The following CERKL variants were observed in gnomAD, a reference collection of about 807,000 sequenced individuals.
CERKL encodes ceramide kinase-like protein.
A neutral mutation model predicts 63.4 loss-of-function variants in CERKL; 61 were observed. That is an observed-to-expected ratio of 0.96 (90% CI 0.78 to 1.19). The LOEUF is 1.19. Ranked by LOEUF, CERKL falls within the 50% of genes most tolerant of loss-of-function variation. The pLI, the probability that CERKL is intolerant of heterozygous loss-of-function variation, is 0.00. For synonymous variants in CERKL, 250 were observed against 230.5 expected (o/e 1.08, Z -0.77); for missense variants, 675 against 655.5 (o/e 1.03, Z -0.33).
intron 2 of CERKL, among the ~76,000 whole-genome samples, chr2:181,603,263 T>C (rs937639018): frequency 6.6e-6 from 1 of 152,190 alleles, no homozygotes; most frequent in Admixed American, 6.5e-5. Context: ...TACATTCTTA[T>C]ATAGTTCAAA....
At chr2:181,548,524 T>C in intron 8 of CERKL, 21 bp downstream of exon 8, 1 of 1,524,042 alleles carries the variant, frequency 6.6e-7, no homozygotes, top group Non-Finnish European at 9.1e-7. Flanking sequence ...GTTATCTGTA[T>C]TACATTGAGT....
At chr2:181,562,394 C>T (rs866163991) in intron 4 of CERKL, among the ~76,000 whole-genome samples, 4 of 152,110 alleles carry the variant, frequency 2.6e-5, no homozygotes, top group African/African-American at 9.7e-5. Flanking sequence ...TTCTCAGGAC[C>T]CCCCTGGGGT....
At chr2:181,583,486 C>T (rs1470609236) in intron 2 of CERKL, among the ~76,000 whole-genome samples, 1 of 152,122 alleles carries the variant, frequency 6.6e-6, no homozygotes, top group Non-Finnish European at 1.5e-5. Context: ...CTCAGTAAGC[C>T]TTTAGATTGA....
intron 4 of CERKL, among the ~76,000 whole-genome samples, chr2:181,563,570 C>G (rs1481968963): frequency 6.7e-6 from 1 of 149,796 alleles, no homozygotes; most frequent in Non-Finnish European, 1.5e-5. Flanking sequence ...TTGAGTCTGT[C>G]TCTCATCAAA....
At chr2:181,573,984 T>C in intron 2 of CERKL, 100 bp from the exon 3 acceptor site, 2 of 1,056,566 alleles carry the variant, frequency 1.9e-6, no homozygotes, top group Non-Finnish European at 2.9e-6. Context: ...GTTATATGCA[T>C]TTAAATAGTA....
Position 181,558,370 on chromosome 2 carries a change from T to G in CERKL, c.820+196A>C, listed in dbSNP as rs1688297273. Among the ~76,000 whole-genome samples the G allele has an allele frequency of 6.6e-6, 1 of 152,176 alleles. No homozygotes were observed. The highest frequency in any genetic ancestry group is 2.4e-5 in the African/African-American group (1 of 41,446). On this transcript the variant is annotated intron_variant, in intron 5 of 12. Coordinates refer to ENST00000410087, the MANE Select transcript of CERKL (RefSeq NM_201548.5). The surrounding 1 kb of genome is among the most constrained non-coding windows in gnomAD (Gnocchi z 4.2). ...GTGAATAATATATCTGTGATCCCTA[T>G]TCTATAGATTAGAAAAATAAGGCTC...
At chr2:181,656,427 T>C (rs1688156720) in intron 1 of CERKL, among the ~76,000 whole-genome samples, 1 of 152,108 alleles carries the variant, frequency 6.6e-6, no homozygotes, top group African/African-American at 2.4e-5. Flanking sequence ...CCTTCTCACA[T>C]TTGTAAATTA....
intron 2 of CERKL, among the ~76,000 whole-genome samples, chr2:181,599,414 G>A (rs7581720): frequency 0.03 from 4,614 of 151,876 alleles, 222 homozygotes; most frequent in African/African-American, 0.11. Context: ...GCACTCGCCC[G>A]TAATCCCAGC....
intron 4 of CERKL, among the ~76,000 whole-genome samples, chr2:181,565,275 A>G (rs1182283469): frequency 2.0e-5 from 3 of 152,096 alleles, no homozygotes; most frequent in Non-Finnish European, 2.9e-5. Context: ...CAAATAATTC[A>G]CACACTTGTC....
chr2:181,630,745 A>G (rs927228794), intron 1 of CERKL, among the ~76,000 whole-genome samples: 6 of 152,226 alleles, frequency 3.9e-5, no homozygotes, highest in Non-Finnish European at 8.8e-5. Flanking sequence ...CCCAGGCTGT[A>G]GTATTTTGCT....
intron 1 of CERKL, among the ~76,000 whole-genome samples, chr2:181,632,670 A>C (rs1381723052): frequency 6.6e-6 from 1 of 152,180 alleles, no homozygotes; most frequent in African/African-American, 2.4e-5. Context: ...GAAAATTGTT[A>C]AAGAGTCTTT....
At chr2:181,560,191 T>C (rs1688378360) in intron 4 of CERKL, among the ~76,000 whole-genome samples, 1 of 152,146 alleles carries the variant, frequency 6.6e-6, no homozygotes, top group Admixed American at 6.6e-5. Flanking sequence ...ATCTGTGAAC[T>C]TAAACGTAAC....
rs186080523 is a variant in CERKL at position 181,619,898 on chromosome 2, G to A, written c.239-15819C>T. ...GTTATAAAATACTAATTAAATGGTG[G>A]TTTTAAGATGGTAGTAGTGGGAGAG... On this transcript the variant is annotated intron_variant, in intron 1 of 12. Transcript: ENST00000410087. Among the ~76,000 whole-genome samples the A allele has an allele frequency of 7.3e-4, 111 of 152,294 alleles. 1 individual carries two copies. In the South Asian group the frequency reaches 7.9e-3, roughly 11 times the overall value.
chr2:181,568,970 C>T (rs1688787763), intron 3 of CERKL, among the ~76,000 whole-genome samples: 1 of 151,900 alleles, frequency 6.6e-6, no homozygotes, highest in Admixed American at 6.6e-5. Context: ...AAATCTGTAA[C>T]AGTTCTGGTC....
intron 2 of CERKL, among the ~76,000 whole-genome samples, chr2:181,596,168 A>G (rs1685199516): frequency 6.6e-6 from 1 of 152,236 alleles, no homozygotes; most frequent in Admixed American, 6.5e-5. Flanking sequence ...TCTTCCTAGC[A>G]AAAGAATTTG....
At chr2:181,574,253 C>T (rs1559084703) in intron 2 of CERKL, among the ~76,000 whole-genome samples, 1 of 152,120 alleles carries the variant, frequency 6.6e-6, no homozygotes, top group African/African-American at 2.4e-5. Context: ...TGGACTGTAA[C>T]AAATAGAAGG....
chr2:181,612,943 T>C (rs926044285), intron 1 of CERKL, among the ~76,000 whole-genome samples: 2 of 152,308 alleles, frequency 1.3e-5, no homozygotes, highest in African/African-American at 4.8e-5. Flanking sequence ...ACGTTTACAA[T>C]GTGAAATGAT....
At position 181,537,442 on chromosome 2, in the gene CERKL, A is replaced by G. The variant is rs200005431; in HGVS notation, c.*742T>C. 6.7e-6 allele frequency: 3 copies of G among 448,024 alleles called. No individual in the cohort carries two copies. In the East Asian group the frequency reaches 2.1e-4, roughly 31 times the overall value. 27.8% of individuals were successfully genotyped at this position (448,024 alleles called of 1,614,324 possible). On this transcript the variant is annotated 3_prime_UTR_variant, in exon 13 of 13. Transcript: ENST00000410087. ...ATCAACTTACTTTGTTACTTGTATC[A>G]TGAATTTTAAAACCCTACCACTTTA...
At chr2:181,605,804 G>A (rs1685651260) in intron 1 of CERKL, among the ~76,000 whole-genome samples, 1 of 152,150 alleles carries the variant, frequency 6.6e-6, no homozygotes, top group South Asian at 2.1e-4. Context: ...AATGACTCGA[G>A]TGCTAAAAGT....
Sources: gnomAD v4.1 joint callset for allele counts (sites outside exome capture counted in the v4.1 genomes callset) on GRCh38, gnomAD v4.1.1 for gene constraint, Gnocchi (gnomAD v3.1) non-coding constraint, MANE v1.5 for transcripts, NCBI Gene and HGNC (gene_info 2026-07-23, HGNC 2026-07-21) for gene names.